SGCG: variants seen among roughly 807,000 people sequenced by gnomAD.
SGCG encodes the protein gamma-sarcoglycan.
A neutral mutation model predicts 29.3 loss-of-function variants in SGCG; 26 were observed. That is an observed-to-expected ratio of 0.89 (90% CI 0.65 to 1.23). SGCG has a LOEUF of 1.23. Among genes scored for constraint, SGCG ranks in the 50% most tolerant of loss-of-function variants. The pLI is 0.00. For missense variants in SGCG, 353 were observed against 356.0 expected, an observed-to-expected ratio of 0.99 and a Z score of 0.07; for synonymous variants, 145 against 129.7, an observed-to-expected ratio of 1.12 and a Z score of -0.80.
chr13:23,217,724 C>T (rs1349215973), intron 2 of SGCG, among the ~76,000 whole-genome samples: 1 of 151,668 alleles, frequency 6.6e-6, no homozygotes, highest in East Asian at 1.9e-4. Context: ...AGGTACTCAA[C>T]AAATACAGGT....
intron 4 of SGCG, among the ~76,000 whole-genome samples, chr13:23,277,674 A>T (rs56886634): frequency 6.6e-6 from 1 of 151,234 alleles, no homozygotes; most frequent in Non-Finnish European, 1.5e-5. Context: ...AAATTATAAC[A>T]TATGACTTAT....
intron 4 of SGCG, among the ~76,000 whole-genome samples, chr13:23,271,109 G>A (rs904649474): frequency 6.6e-6 from 1 of 152,110 alleles, no homozygotes; most frequent in African/African-American, 2.4e-5. Context: ...CTATTTGGGA[G>A]GCTGAGGCAG....
intron 5 of SGCG, among the ~76,000 whole-genome samples, chr13:23,290,533 C>T (rs1881662395): frequency 6.6e-6 from 1 of 152,122 alleles, no homozygotes; most frequent in Admixed American, 6.5e-5. Context: ...TTATTGCTAT[C>T]TTAAGGAGAG....
At chr13:23,290,363 A>G (rs1881652505) in intron 5 of SGCG, among the ~76,000 whole-genome samples, 2 of 152,206 alleles carry the variant, frequency 1.3e-5, no homozygotes, top group African/African-American at 4.8e-5. Flanking sequence ...GTAGAGGCCA[A>G]GTAAAGGCAG....
intron 4 of SGCG, among the ~76,000 whole-genome samples, chr13:23,273,814 T>C (rs1393573755): frequency 6.6e-6 from 1 of 152,220 alleles, no homozygotes; most frequent in African/African-American, 2.4e-5. Context: ...TTTCAGTGAA[T>C]GTGCCCCGGG....
At chr13:23,282,612 TA>T (rs1326571125) in intron 5 of SGCG, among the ~76,000 whole-genome samples, 1 of 152,226 alleles carries the variant, frequency 6.6e-6, no homozygotes, top group Non-Finnish European at 1.5e-5. Flanking sequence ...GCTAGTTTGC[TA>T]AGGATAATAG....
chr13:23,252,560 G>A (rs562544848), intron 4 of SGCG, among the ~76,000 whole-genome samples: 14 of 152,090 alleles, frequency 9.2e-5, no homozygotes, highest in East Asian at 5.8e-4. Flanking sequence ...GCGTGGTGGC[G>A]GTCGCCTGTA....
intron 2 of SGCG, among the ~76,000 whole-genome samples, chr13:23,220,786 T>C (rs1566004991): frequency 6.6e-6 from 1 of 152,176 alleles, no homozygotes; most frequent in Non-Finnish European, 1.5e-5. Context: ...TCACAAAATA[T>C]TGAAATTGCT....
At chr13:23,255,551 C>T (rs1248055944) in intron 4 of SGCG, among the ~76,000 whole-genome samples, 2 of 152,086 alleles carry the variant, frequency 1.3e-5, no homozygotes, top group Non-Finnish European at 2.9e-5. Context: ...TATTTGTCCC[C>T]TACAAGTTGC....
At chr13:23,185,637 G>T (rs138079894) in intron 1 of SGCG, among the ~76,000 whole-genome samples, 6 of 152,198 alleles carry the variant, frequency 3.9e-5, no homozygotes, top group African/African-American at 7.2e-5. Context: ...CAGCAAAGGC[G>T]GCAAAGTGGG....
At chr13:23,200,580 C>T (rs1006073847) in intron 1 of SGCG, among the ~76,000 whole-genome samples, 1 of 152,120 alleles carries the variant, frequency 6.6e-6, no homozygotes, top group African/African-American at 2.4e-5. Context: ...AAACCTCACC[C>T]TCTCAGGGCT....
chr13:23,241,535 A>G (rs915968384), intron 3 of SGCG, among the ~76,000 whole-genome samples: 1 of 152,212 alleles, frequency 6.6e-6, no homozygotes, highest in East Asian at 1.9e-4. Context: ...GAATTCTACC[A>G]AACATTTAAA....
intron 1 of SGCG, among the ~76,000 whole-genome samples, chr13:23,194,453 G>T (rs1000753199): frequency 1.3e-5 from 2 of 152,132 alleles, no homozygotes; most frequent in Non-Finnish European, 2.9e-5. Context: ...GATCTCAAAT[G>T]ATGTTGTTAG....
intron 2 of SGCG, among the ~76,000 whole-genome samples, chr13:23,232,319 A>G (rs11148701): frequency 0.1 from 15,438 of 152,182 alleles, 969 homozygotes; most frequent in Middle Eastern, 0.14. Context: ...TCAACTGATG[A>G]TGTCTTTGAA....
Position 23,320,681 on chromosome 13 carries a change from G to C in SGCG, c.623G>C (p.Gly208Ala). 6.2e-7 allele frequency: 1 copy of C among 1,610,616 alleles called. No homozygotes were observed. Among genetic ancestry groups the C allele is most frequent in the Non-Finnish European group, 8.5e-7 (1 of 1,178,248 alleles). Reference sequence around the variant, plus strand: ...AGTCTAAGCATGGATGCCCCAAGGGGTGTGCATATTCAAGCTCACGCTGGG... The same window carrying C: ...AGTCTAAGCATGGATGCCCCAAGGGCTGTGCATATTCAAGCTCACGCTGGG... ...TRSLSMDAPR[G>A]VHIQAHAGKI... The change falls in exon 7 of 8, where the codon GGT (glycine) becomes GCT (alanine). Residue 208 changes from glycine to alanine, a missense_variant. Physicochemically the swap from Gly to Ala is moderately conservative, Grantham distance 60 (BLOSUM62 0). Transcript: ENST00000218867.
intron 5 of SGCG, among the ~76,000 whole-genome samples, chr13:23,283,643 T>C (rs936018098): frequency 5.9e-5 from 9 of 152,208 alleles, no homozygotes; most frequent in Admixed American, 1.3e-4. Flanking sequence ...ATGTGTGAAT[T>C]TGATCCTGTC....
chr13:23,167,367 T>A, the SGCG span, among the ~76,000 whole-genome samples: 341 of 152,302 alleles, frequency 2.2e-3, 2 homozygotes, highest in African/African-American at 8.0e-3. Context: ...ACAACAAACA[T>A]GGGAGTGCAG....
chr13:23,226,276 A>G (rs1307368878), intron 2 of SGCG, among the ~76,000 whole-genome samples: 3 of 152,236 alleles, frequency 2.0e-5, no homozygotes, highest in Non-Finnish European at 4.4e-5. Flanking sequence ...AAGAAAAAGC[A>G]TATACCAAAT....
intron 3 of SGCG, among the ~76,000 whole-genome samples, chr13:23,249,292 G>C (rs1879866953): frequency 6.6e-6 from 1 of 152,154 alleles, no homozygotes; most frequent in Admixed American, 6.5e-5. Context: ...TGGTCCCTGG[G>C]ATATTAGTCT....
Sources: allele counts gnomAD v4.1 joint callset (sites outside exome capture counted in the v4.1 genomes callset), GRCh38; gene constraint gnomAD v4.1.1; transcripts MANE v1.5; gene names NCBI Gene and HGNC (gene_info 2026-07-23, HGNC 2026-07-21).